Variants in KDM4B observed in about 807,000 individuals in gnomAD.
KDM4B encodes lysine demethylase 4B.
In KDM4B, 32 loss-of-function variants were observed where a neutral mutation model predicts 125.2. The observed-to-expected ratio is 0.26, with a 90% CI of 0.19 to 0.34. The LOEUF (loss-of-function observed/expected upper bound fraction) is 0.34, where lower values mean the gene tolerates loss of function less well. Among genes scored for constraint, KDM4B ranks in the 10% least tolerant of loss-of-function variants. KDM4B has a pLI of 1.00. For synonymous variants in KDM4B, 721 were observed against 677.9 expected, an observed-to-expected ratio of 1.06 and a Z score of -0.99; for missense variants, 1,190 against 1,577.7, an observed-to-expected ratio of 0.75 and a Z score of 4.16.
At chr19:5,070,909 C>A in intron 6 of KDM4B, 101 bp from the exon 7 acceptor site, 2 of 1,244,878 alleles carry the variant, frequency 1.6e-6, no homozygotes, top group Non-Finnish European at 2.3e-6. Flanking sequence ...TGCTTCTGCC[C>A]TGGGCACTGT....
intron 9 of KDM4B, among the ~76,000 whole-genome samples, chr19:5,093,034 C>T (rs1350844973): frequency 6.6e-6 from 1 of 152,216 alleles, no homozygotes; most frequent in Non-Finnish European, 1.5e-5. Flanking sequence ...TGCAGACCCT[C>T]CCCTCCTAGT....
chr19:5,096,549 C>T (rs183199467), intron 9 of KDM4B, among the ~76,000 whole-genome samples: 34 of 152,292 alleles, frequency 2.2e-4, no homozygotes, highest in African/African-American at 6.0e-4. Context: ...TTCTCACTTC[C>T]GTGCGATGTG....
intron 21 of KDM4B, among the ~76,000 whole-genome samples, chr19:5,146,126 A>G (rs867181771): frequency 1.3e-4 from 16 of 121,242 alleles, no homozygotes; most frequent in Admixed American, 5.1e-4. Context: ...GTGCAGGCCG[A>G]CCCCGCCCAG....
intron 1 of KDM4B, among the ~76,000 whole-genome samples, chr19:4,973,117 C>T (rs924363705): frequency 5.3e-5 from 8 of 152,364 alleles, no homozygotes; most frequent in African/African-American, 1.9e-4. Flanking sequence ...TGACTCACCT[C>T]TTTGATCTTG....
At chr19:5,144,461 G>C in intron 20 of KDM4B, 49 bp downstream of exon 20, 2 of 1,330,160 alleles carry the variant, frequency 1.5e-6, no homozygotes, top group Admixed American at 2.1e-5. Flanking sequence ...GGAGCACAGC[G>C]ACAACCTGTA....
At chr19:5,083,953 A>G (rs1316502487) in intron 9 of KDM4B, among the ~76,000 whole-genome samples, 1 of 152,110 alleles carries the variant, frequency 6.6e-6, no homozygotes, top group Non-Finnish European at 1.5e-5. Flanking sequence ...CATTTTCTAG[A>G]TGTCAGACCT....
At chr19:5,037,564 G>A (rs2036669425) in intron 3 of KDM4B, among the ~76,000 whole-genome samples, 1 of 152,206 alleles carries the variant, frequency 6.6e-6, no homozygotes, top group Non-Finnish European at 1.5e-5. Context: ...TCCAGAAAGA[G>A]CCGGCGCTAA....
At chr19:5,116,677 A>C (rs1045967584) in intron 10 of KDM4B, among the ~76,000 whole-genome samples, 41 of 152,338 alleles carry the variant, frequency 2.7e-4, no homozygotes, top group African/African-American at 9.4e-4. Context: ...GGGAGCTCAG[A>C]GATACCAAGG....
intron 2 of KDM4B, among the ~76,000 whole-genome samples, chr19:5,020,012 G>A (rs1165519402): frequency 2.8e-5 from 4 of 144,868 alleles, no homozygotes; most frequent in East Asian, 2.1e-4. Context: ...TGCTGTGGAC[G>A]GTGTGCAGGT....
intron 1 of KDM4B, among the ~76,000 whole-genome samples, chr19:4,991,285 G>A (rs1236563404): frequency 6.7e-6 from 1 of 149,374 alleles, no homozygotes; most frequent in East Asian, 2.0e-4. Context: ...TGGTGAAATA[G>A]CCCTCATATT....
chr19:5,069,665 G>A (rs2037885579), intron 6 of KDM4B, among the ~76,000 whole-genome samples: 1 of 152,130 alleles, frequency 6.6e-6, no homozygotes, highest in South Asian at 2.1e-4. Context: ...CCAGGCTGGA[G>A]TGCAGTGGCA....
intron 7 of KDM4B, among the ~76,000 whole-genome samples, chr19:5,071,957 G>C (rs138541478): frequency 6.6e-6 from 1 of 152,212 alleles, no homozygotes; most frequent in Non-Finnish European, 1.5e-5. Flanking sequence ...CTTGGGGTGC[G>C]TGAGGGGTGA....
rs2038182156 is a variant in KDM4B, at chr19:5,078,298, G to C, written c.780+828G>C. On this transcript the variant is annotated intron_variant, in intron 8 of 22. Coordinates refer to ENST00000159111, the MANE Select transcript of KDM4B (RefSeq NM_015015.3). This position sits in a 1 kb window ranked among gnomAD's most constrained non-coding sequence, Gnocchi z 4.5. ...GCTCATGAGGTTCCACGGGAAGAGT[G>C]ATGTGCAGGCTCGGGAGCGTGCTCT... 6.6e-6 allele frequency: 1 copy of C among 152,302 alleles called. No individual in the cohort carries two copies. Among genetic ancestry groups the C allele is most frequent in the Non-Finnish European group, 1.5e-5 (1 of 68,086 alleles). The allele number at this position is 152,302 out of a possible 1,614,324, so 9.4% of individuals were successfully genotyped here.
chr19:5,151,279 G>T, intron 22 of KDM4B, 56 bp from the exon 23 acceptor site: 1 of 1,355,108 alleles, frequency 7.4e-7, no homozygotes, highest in Non-Finnish European at 9.7e-7. Context: ...GACAGTGGCT[G>T]GGGCCGCACA....
intron 9 of KDM4B, among the ~76,000 whole-genome samples, chr19:5,109,933 G>A (rs1006674858): frequency 6.6e-6 from 1 of 152,172 alleles, no homozygotes; most frequent in Non-Finnish European, 1.5e-5. Flanking sequence ...ACCTACCTGG[G>A]GGCACCCGCG....
At chr19:5,111,546 C>T (rs1447930221) in intron 10 of KDM4B, 4 of 761,802 alleles carry the variant, frequency 5.3e-6, no homozygotes, top group Non-Finnish European at 7.2e-6. Context: ...AGAGTGAAGG[C>T]GAGCACCGGC....
At chr19:4,981,680 GGC>G (rs2034647949) in intron 1 of KDM4B, among the ~76,000 whole-genome samples, 1 of 152,156 alleles carries the variant, frequency 6.6e-6, no homozygotes, top group Non-Finnish European at 1.5e-5. Context: ...GCCAGGCACC[GGC>G]GGTGCTGTAC....
intron 1 of KDM4B, among the ~76,000 whole-genome samples, chr19:5,012,736 C>T (rs1214701434): frequency 2.6e-5 from 4 of 152,194 alleles, no homozygotes; most frequent in Admixed American, 6.5e-5. Flanking sequence ...TCCCGGTGAG[C>T]GTCAGGACGT....
chr19:5,137,395 CT>C, intron 16 of KDM4B, 57 bp downstream of exon 16: 1 of 1,485,256 alleles, frequency 6.7e-7, no homozygotes, highest in Non-Finnish European at 9.1e-7. Flanking sequence ...CCCGGCCCCA[CT>C]CCAGTGGGGT....
Sources: allele counts gnomAD v4.1 joint callset (sites outside exome capture counted in the v4.1 genomes callset), GRCh38; gene constraint gnomAD v4.1.1; non-coding constraint Gnocchi (gnomAD v3.1); transcripts MANE v1.5; gene names NCBI Gene and HGNC (gene_info 2026-07-23, HGNC 2026-07-21).